The following CARMIL1 variants were observed in gnomAD, a reference collection of about 807,000 sequenced individuals.
The protein encoded by CARMIL1 is F-actin-uncapping protein LRRC16A.
CARMIL1 carries 90 observed loss-of-function variants against 177.1 expected under a neutral mutation model. The observed-to-expected ratio is 0.51, with a 90% CI of 0.43 to 0.61. The LOEUF is 0.61. CARMIL1 is among the 20% of genes least tolerant of loss of function. CARMIL1 has a pLI of 0.00. For missense variants in CARMIL1, 1,380 were observed against 1,667.0 expected (o/e 0.83, Z 3.00); for synonymous variants, 577 against 606.2 (o/e 0.95, Z 0.71).
rs528435233 is a variant in CARMIL1, at chr6:25,581,006, C to T, written c.2809+16C>T. ...AGGGCTTTTGGTAAGTGTTTTGCTG[C>T]TGCCAATCATTTCCTTGGAACTGTG... On this transcript the variant is annotated intron_variant, in intron 30 of 36. Transcript: ENST00000329474. The T allele has an allele frequency of 1.3e-6, 2 of 1,583,452 alleles. No homozygotes were observed. The highest frequency in any genetic ancestry group is 3.6e-5 in the Admixed American group (2 of 55,682).
chr6:25,404,204 A>T (rs951390303), intron 2 of CARMIL1, among the ~76,000 whole-genome samples: 2 of 152,154 alleles, frequency 1.3e-5, no homozygotes, highest in African/African-American at 4.8e-5. Context: ...CATAGAAGGG[A>T]GTTTGAACCA....
intron 32 of CARMIL1, among the ~76,000 whole-genome samples, chr6:25,596,850 G>GAGAC (rs1554232499): frequency 6.7e-6 from 1 of 149,056 alleles, no homozygotes; most frequent in Non-Finnish European, 1.5e-5. Context: ...CAAACACACA[G>GAGAC]ACACACACAC....
intron 2 of CARMIL1, among the ~76,000 whole-genome samples, chr6:25,351,482 A>G (rs2150360017): frequency 6.6e-6 from 1 of 152,370 alleles, no homozygotes; most frequent in East Asian, 1.9e-4. Context: ...ACCAAAGTAC[A>G]AAGAACAAAT....
At chr6:25,581,682 G>A (rs1039329017) in intron 31 of CARMIL1, among the ~76,000 whole-genome samples, 2 of 152,070 alleles carry the variant, frequency 1.3e-5, no homozygotes, top group Admixed American at 6.5e-5. Context: ...TAAAATTTCC[G>A]ATTCTTCAGA....
intron 23 of CARMIL1, among the ~76,000 whole-genome samples, chr6:25,523,285 A>G (rs187179821): frequency 5.0e-4 from 76 of 152,344 alleles, no homozygotes; most frequent in Admixed American, 3.2e-3. Flanking sequence ...TCAACTGTAT[A>G]GGTAGGAAAA....
chr6:25,497,990 T>A (rs1208299518), intron 16 of CARMIL1, among the ~76,000 whole-genome samples: 3 of 152,184 alleles, frequency 2.0e-5, no homozygotes, highest in Non-Finnish European at 2.9e-5. Context: ...CTAAAATTGC[T>A]AGAATAGTCT....
intron 2 of CARMIL1, among the ~76,000 whole-genome samples, chr6:25,335,508 T>C (rs1252587882): frequency 6.6e-6 from 1 of 152,260 alleles, no homozygotes; most frequent in African/African-American, 2.4e-5. Context: ...TTTAATCTCC[T>C]TGTGATTTTC....
At chr6:25,608,774 G>A (rs115218157) in intron 35 of CARMIL1, among the ~76,000 whole-genome samples, 5 of 152,240 alleles carry the variant, frequency 3.3e-5, no homozygotes, top group African/African-American at 9.6e-5. Flanking sequence ...GCAAGTAGGC[G>A]ACTGGAAGTT....
chr6:25,374,888 T>G (rs1348805936), intron 2 of CARMIL1, among the ~76,000 whole-genome samples: 1 of 152,222 alleles, frequency 6.6e-6, no homozygotes, highest in Non-Finnish European at 1.5e-5. Flanking sequence ...TTCCACCACT[T>G]TACCTGGAGT....
chr6:25,368,510 A>G (rs778250909), intron 2 of CARMIL1, among the ~76,000 whole-genome samples: 1 of 152,212 alleles, frequency 6.6e-6, no homozygotes, highest in African/African-American at 2.4e-5. Context: ...ATACAGATCA[A>G]TGTTTTCAAA....
chr6:25,553,447 C>T (rs1217888905), intron 27 of CARMIL1, among the ~76,000 whole-genome samples: 1 of 152,094 alleles, frequency 6.6e-6, no homozygotes. Context: ...GCAACAGGCA[C>T]CAGAACTGCA....
intron 2 of CARMIL1, among the ~76,000 whole-genome samples, chr6:25,319,635 G>T (rs1784534255): frequency 6.6e-6 from 1 of 151,984 alleles, no homozygotes; most frequent in Non-Finnish European, 1.5e-5. Flanking sequence ...TTTTTCTGGG[G>T]CCCATAGCTT....
intron 16 of CARMIL1, among the ~76,000 whole-genome samples, chr6:25,495,531 G>A (rs995977425): frequency 7.1e-5 from 9 of 126,444 alleles, no homozygotes; most frequent in South Asian, 5.9e-4. Flanking sequence ...AGGCATATTC[G>A]TTTGTTCGTG....
chr6:25,474,360 C>CCACCTCG (rs1801343858), intron 11 of CARMIL1, among the ~76,000 whole-genome samples: 1 of 152,052 alleles, frequency 6.6e-6, no homozygotes, highest in Admixed American at 6.6e-5. Flanking sequence ...CGTGATCCAC[C>CCACCTCG]CACCTCGGCC....
rs1038206941 is a variant in CARMIL1 at position 25,472,771 on chromosome 6, A to G, written c.874+250A>G. 2.1e-5 allele frequency: 10 copies of G among 474,994 alleles called. No individual in the cohort carries two copies. In the South Asian group the frequency reaches 2.7e-4, roughly 13 times the overall value. 29.4% of individuals were successfully genotyped at this position (474,994 alleles called of 1,614,324 possible). A position where few individuals can be genotyped will look rare whatever the true frequency, so the allele number is the denominator to read the frequency against. ...TTATTTTTAATATGTTTTATTAGTT[A>G]CATAGTCCTGCATAACAAATTACCA... On this transcript the variant is annotated intron_variant, in intron 11 of 36. Coordinates refer to ENST00000329474, the MANE Select transcript of CARMIL1 (RefSeq NM_017640.6).
intron 26 of CARMIL1, among the ~76,000 whole-genome samples, chr6:25,540,377 C>T (rs1240099232): frequency 6.6e-6 from 1 of 152,040 alleles, no homozygotes; most frequent in Non-Finnish European, 1.5e-5. Context: ...GGAAAAAATA[C>T]CTTCTGTTAT....
At chr6:25,550,615 C>T (rs1037394983) in intron 26 of CARMIL1, among the ~76,000 whole-genome samples, 16 of 152,156 alleles carry the variant, frequency 1.1e-4, no homozygotes, top group African/African-American at 3.9e-4. Flanking sequence ...TTTTAATCTT[C>T]TCGTTAATGG....
intron 2 of CARMIL1, among the ~76,000 whole-genome samples, chr6:25,407,603 A>G (rs1448482463): frequency 6.6e-6 from 1 of 152,204 alleles, no homozygotes; most frequent in Non-Finnish European, 1.5e-5. Flanking sequence ...TCAGTTCTCC[A>G]GCTGTGCTTG....
chr6:25,491,860 A>T (rs1022642107), intron 14 of CARMIL1, 51 bp downstream of exon 14: 10 of 1,522,796 alleles, frequency 6.6e-6, no homozygotes, highest in Non-Finnish European at 9.0e-6. Context: ...CAGAAGAGCT[A>T]TTTAGATGGG....
Sources: gnomAD v4.1 joint callset for allele counts (sites outside exome capture counted in the v4.1 genomes callset) on GRCh38, gnomAD v4.1.1 for gene constraint, MANE v1.5 for transcripts, NCBI Gene and HGNC (gene_info 2026-07-23, HGNC 2026-07-21) for gene names.